The following SYNE2 variants were observed in gnomAD, a reference collection of about 807,000 sequenced individuals.
SYNE2 encodes nesprin-2.
A neutral mutation model predicts 856.3 loss-of-function variants in SYNE2; 431 were observed. The observed-to-expected ratio is 0.50, with a 90% CI of 0.47 to 0.55. SYNE2 has a LOEUF of 0.55. Among genes scored for constraint, SYNE2 ranks in the 20% least tolerant of loss-of-function variants. SYNE2 has a pLI of 0.00. For synonymous variants in SYNE2, 2,923 were observed against 2,872.3 expected (o/e 1.02, Z -0.56); for missense variants, 8,129 against 8,023.2 (o/e 1.01, Z -0.50).
intron 107 of SYNE2, 127 bp downstream of exon 107, chr14:64,215,481 C>A: frequency 2.1e-6 from 2 of 954,694 alleles, no homozygotes; most frequent in South Asian, 1.3e-5. Flanking sequence ...GTCCTTGTGT[C>A]ATGGTGTATT....
At chr14:63,910,670 C>G (rs1157629580) in intron 2 of SYNE2, among the ~76,000 whole-genome samples, 1 of 152,166 alleles carries the variant, frequency 6.6e-6, no homozygotes, top group South Asian at 2.1e-4. Flanking sequence ...ATTCTTTGAA[C>G]TTGGAGGAGA....
chr14:63,959,692 C>A (rs2096285682), intron 8 of SYNE2, among the ~76,000 whole-genome samples: 1 of 151,584 alleles, frequency 6.6e-6, no homozygotes, highest in South Asian at 2.1e-4. Context: ...CTTTTTTTAC[C>A]CCCTTCCTTT....
intron 1 of SYNE2, among the ~76,000 whole-genome samples, chr14:63,795,073 T>C (rs1887871908): frequency 6.6e-6 from 1 of 152,178 alleles, no homozygotes; most frequent in Non-Finnish European, 1.5e-5. Flanking sequence ...ACCTGCCTAA[T>C]TTTTTTATTT....
chr14:63,907,577 A>G (rs2095423400), intron 1 of SYNE2, among the ~76,000 whole-genome samples: 3 of 152,024 alleles, frequency 2.0e-5, no homozygotes, highest in East Asian at 1.9e-4. Flanking sequence ...TAATATTGCT[A>G]TTATCCTTTT....
intron 8 of SYNE2, 97 bp from the exon 9 acceptor site, chr14:63,961,428 T>C: frequency 9.8e-7 from 1 of 1,018,834 alleles, no homozygotes; most frequent in Non-Finnish European, 1.5e-6. Flanking sequence ...TTCCAGAGCC[T>C]GTGAACCAAA....
intron 45 of SYNE2, among the ~76,000 whole-genome samples, chr14:64,032,502 C>G (rs1048031195): frequency 1.3e-5 from 2 of 152,166 alleles, no homozygotes; most frequent in Non-Finnish European, 2.9e-5. Flanking sequence ...TTTGAGGTTA[C>G]AGTGAGCTGT....
In SYNE2 at chr14:63,993,833, A is replaced by G; in HGVS notation, c.2647-2A>G. ...TTTGTTTGCAATTTTTTTTTTTTTTAGGAAGCACTAATAATTTCTAATACA... is the reference window on the plus strand; with the variant it reads ...TTTGTTTGCAATTTTTTTTTTTTTTGGGAAGCACTAATAATTTCTAATACA... On this transcript the variant is annotated splice_acceptor_variant, in intron 21 of 115. Coordinates refer to ENST00000555002, the MANE Select transcript of SYNE2 (RefSeq NM_182914.3). LOFTEE classifies it high-confidence loss of function. 6.7e-7 allele frequency: 1 copy of G among 1,501,198 alleles called. No individual in the cohort carries two copies. Among genetic ancestry groups the G allele is most frequent in the Non-Finnish European group, 9.0e-7 (1 of 1,115,684 alleles). The allele number at this position is 1,501,198 out of a possible 1,614,324, so 93.0% of individuals were successfully genotyped here.
Position 64,098,804 on chromosome 14 carries a change from A to G in SYNE2, c.12364A>G (p.Ser4122Gly), listed in dbSNP as rs751613168. Residue 4122 changes from serine (S) to glycine (G), a missense_variant, in exon 63 of 116, where the codon AGT becomes GGT. Around this residue, in one of 3 missense-constraint regions of SYNE2, gnomAD observed 5,410 missense variants for 5,284.8 expected, o/e 1.02. Transcript: ENST00000555002. ...AGCAGTCGAGGAAGAGGTGGAAGAA[A>G]GTTCCGTGAAGAGCGATGTAAGGGA... is the stretch of plus-strand genomic sequence containing the variant. ...LAAVEEEVEE[S>G]SVKSDNGDEK... 6.2e-7 allele frequency: 1 copy of G among 1,614,156 alleles called. No individual in the cohort carries two copies. The highest frequency in any genetic ancestry group is 8.5e-7 in the Non-Finnish European group (1 of 1,180,016).
intron 61 of SYNE2, among the ~76,000 whole-genome samples, chr14:64,097,128 T>G (rs1257162304): frequency 6.6e-6 from 1 of 152,224 alleles, no homozygotes; most frequent in Non-Finnish European, 1.5e-5. Flanking sequence ...ACAGTGGGCA[T>G]CTGCATATCT....
At chr14:64,213,572 G>A (rs972624155) in intron 105 of SYNE2, among the ~76,000 whole-genome samples, 3 of 152,026 alleles carry the variant, frequency 2.0e-5, no homozygotes, top group South Asian at 2.1e-4. Context: ...ACCATTGACC[G>A]ATACGACTGG....
intron 1 of SYNE2, among the ~76,000 whole-genome samples, chr14:63,767,858 T>C (rs1162525087): frequency 2.6e-5 from 4 of 152,152 alleles, no homozygotes; most frequent in Non-Finnish European, 5.9e-5. Context: ...TCCCCCATGA[T>C]ACATCATTTC....
intron 32 of SYNE2, among the ~76,000 whole-genome samples, chr14:64,010,974 G>A (rs1386824690): frequency 6.6e-6 from 1 of 152,148 alleles, no homozygotes; most frequent in Non-Finnish European, 1.5e-5. Flanking sequence ...AAGCTAAAGT[G>A]CTGTCAGGGT....
chr14:64,016,131 C>CT lies in SYNE2; in HGVS notation c.4729-332dup, dbSNP rs1166359649. On this transcript the variant is annotated intron_variant, in intron 32 of 115. Coordinates refer to ENST00000555002, the MANE Select transcript of SYNE2 (RefSeq NM_182914.3). ...GATTCTTATTAGGCAGATGTAGGGA[C>CT]TTTTTTTTTTAATGCCATTGAATGC... Among the ~76,000 whole-genome samples the CT allele has an allele frequency of 4.4e-3, 638 of 144,964 alleles. 6 individuals carry two copies. The highest frequency in any genetic ancestry group is 0.015 in the African/African-American group (594 of 39,678).
intron 63 of SYNE2, 79 bp downstream of exon 63, chr14:64,098,900 A>G: frequency 7.3e-7 from 1 of 1,373,758 alleles, no homozygotes; most frequent in Non-Finnish European, 1.0e-6. Flanking sequence ...CTTAAAGTGA[A>G]TGGAAACCTA....
chr14:64,216,502 G>A, intron 108 of SYNE2, 115 bp downstream of exon 108: 2 of 1,245,618 alleles, frequency 1.6e-6, no homozygotes, highest in Non-Finnish European at 2.3e-6. Context: ...CATATTTTGA[G>A]TTGGTTTTCT....
intron 27 of SYNE2, among the ~76,000 whole-genome samples, chr14:63,999,337 G>A (rs1288411992): frequency 6.6e-6 from 1 of 152,148 alleles, no homozygotes; most frequent in Non-Finnish European, 1.5e-5. Flanking sequence ...TATGCTTCAG[G>A]CTTCAAGGGA....
chr14:63,781,278 C>CAAAAAA (rs60075405), intron 1 of SYNE2, among the ~76,000 whole-genome samples: 1 of 80,718 alleles, frequency 1.2e-5, no homozygotes, highest in African/African-American at 4.7e-5. Context: ...AACTCCAACT[C>CAAAAAA]AAAAAAAAAA....
intron 6 of SYNE2, among the ~76,000 whole-genome samples, chr14:63,947,515 T>A (rs1423742429): frequency 6.6e-6 from 1 of 152,190 alleles, no homozygotes; most frequent in Non-Finnish European, 1.5e-5. Context: ...TTCATATGGC[T>A]ATCCAGTTGA....
Position 64,120,818 on chromosome 14 carries a change from A to G in SYNE2, c.13024-109A>G, listed in dbSNP as rs563282588. 126 of 1,147,744 alleles carry G rather than the reference A, an allele frequency of 1.1e-4. No homozygotes were observed. The African/African-American group carries it at 1.7e-3, about 15-fold the overall frequency. 71.1% of individuals were successfully genotyped at this position (1,147,744 alleles called of 1,614,324 possible). On this transcript the variant is annotated intron_variant, in intron 67 of 115. Transcript: ENST00000555002. ...TAATTATAGCAAATAACAAAATACCATCATTTATTTCATGTAAAATTTTTC... is the reference window on the plus strand; with the variant it reads ...TAATTATAGCAAATAACAAAATACCGTCATTTATTTCATGTAAAATTTTTC...
Sources: allele counts gnomAD v4.1 joint callset (sites outside exome capture counted in the v4.1 genomes callset), GRCh38; gene constraint gnomAD v4.1.1; regional missense constraint gnomAD v4.1.1; transcripts MANE v1.5; gene names NCBI Gene and HGNC (gene_info 2026-07-23, HGNC 2026-07-21).